CADPS: variants seen among roughly 807,000 people sequenced by gnomAD.
CADPS encodes the protein calcium-dependent secretion activator 1.
A neutral mutation model predicts 167.3 loss-of-function variants in CADPS; 57 were observed. That is an observed-to-expected ratio of 0.34 (90% confidence interval 0.28 to 0.42). The LOEUF (loss-of-function observed/expected upper bound fraction) is 0.42. CADPS is among the 20% of genes least tolerant of loss of function. The pLI is 1.00. For synonymous variants in CADPS, 676 were observed against 635.3 expected (o/e 1.06, Z -0.96); for missense variants, 1,414 against 1,738.1 (o/e 0.81, Z 3.32).
intron 1 of CADPS, among the ~76,000 whole-genome samples, chr3:62,833,518 G>A (rs2075433914): frequency 6.6e-6 from 1 of 151,920 alleles, no homozygotes; most frequent in African/African-American, 2.4e-5. Flanking sequence ...ACAAATGATA[G>A]TTTCAACTCT....
intron 7 of CADPS, among the ~76,000 whole-genome samples, chr3:62,589,934 A>C (rs1399687535): frequency 1.3e-5 from 2 of 152,176 alleles, no homozygotes; most frequent in Non-Finnish European, 2.9e-5. Flanking sequence ...TCATGCCTCT[A>C]ATCCTAGCAC....
intron 1 of CADPS, among the ~76,000 whole-genome samples, chr3:62,822,248 G>A (rs1294624798): frequency 6.6e-6 from 1 of 152,188 alleles, no homozygotes; most frequent in Non-Finnish European, 1.5e-5. Flanking sequence ...AAGGGCAAGT[G>A]TCACTGCGGG....
At chr3:62,482,731 G>T (rs1008775903) in intron 21 of CADPS, among the ~76,000 whole-genome samples, 3 of 152,192 alleles carry the variant, frequency 2.0e-5, no homozygotes, top group African/African-American at 7.2e-5. Context: ...AAGCATGAAA[G>T]GGACTTCTGG....
At chr3:62,516,387 T>C (rs903969872) in intron 15 of CADPS, among the ~76,000 whole-genome samples, 193 bp downstream of exon 15, 5 of 152,170 alleles carry the variant, frequency 3.3e-5, no homozygotes, top group Admixed American at 3.3e-4. Context: ...ATATCTTCTG[T>C]ATATCCTATT....
chr3:62,830,508 T>C (rs1354004125), intron 1 of CADPS, among the ~76,000 whole-genome samples: 1 of 152,124 alleles, frequency 6.6e-6, no homozygotes, highest in Non-Finnish European at 1.5e-5. Context: ...GTTCTCCTTG[T>C]TTTTCTCTAG....
chr3:62,487,209 A>C (rs974834648), intron 21 of CADPS, among the ~76,000 whole-genome samples: 1 of 152,208 alleles, frequency 6.6e-6, no homozygotes, highest in Non-Finnish European at 1.5e-5. Flanking sequence ...ACCATCTGTC[A>C]GGGAAAAGGT....
chr3:62,582,355 A>G (rs534277820), intron 8 of CADPS, among the ~76,000 whole-genome samples: 4 of 152,282 alleles, frequency 2.6e-5, no homozygotes, highest in African/African-American at 9.6e-5. Context: ...CTGAGGTGGG[A>G]GGATGGCTTG....
At chr3:62,682,255 G>A (rs2077262968) in intron 3 of CADPS, among the ~76,000 whole-genome samples, 1 of 152,004 alleles carries the variant, frequency 6.6e-6, no homozygotes, top group Admixed American at 6.5e-5. Context: ...GATAAGTGCA[G>A]GAGCTATTTT....
intron 1 of CADPS, among the ~76,000 whole-genome samples, chr3:62,841,605 C>T (rs1286273207): frequency 6.6e-6 from 1 of 152,022 alleles, no homozygotes; most frequent in Non-Finnish European, 1.5e-5. Context: ...TAGTCCCAGC[C>T]GCTCAGGAGG....
rs61586697 is a variant in CADPS at position 62,474,153 on chromosome 3, A to ATTTTTTTTTTTTTTTTTTTTTTTTTT, written c.3477+19_3477+20insAAAAAAAAAAAAAAAAAAAAAAAAAA. On this transcript the variant is annotated intron_variant, in intron 24 of 29. Coordinates refer to ENST00000383710, the MANE Select transcript of CADPS (RefSeq NM_003716.4). Reference sequence around the variant, plus strand: ...AATGAAGAGGGAAAAAAAAATCTGTATTTTTTTTTTTTTTTTTACCTCTTG... The same window carrying ATTTTTTTTTTTTTTTTTTTTTTTTTT: ...AATGAAGAGGGAAAAAAAAATCTGTATTTTTTTTTTTTTTTTTTTTTTTTTTTTTTTTTTTTTTTTTTTACCTCTTG... 19 of 740,354 alleles carry ATTTTTTTTTTTTTTTTTTTTTTTTTT rather than the reference A, an allele frequency of 2.6e-5. 5 individuals carry two copies. The highest frequency in any genetic ancestry group is 1.4e-4 in the South Asian group (5 of 35,594). The allele number at this position is 740,354 out of a possible 1,614,324, so 45.9% of individuals were successfully genotyped here.
intron 29 of CADPS, among the ~76,000 whole-genome samples, chr3:62,400,601 C>CTTTTTTTTTTTTTTTTTTTT (rs143643930): frequency 7.7e-6 from 1 of 130,436 alleles, no homozygotes. Flanking sequence ...TTTTTTTTTT[C>CTTTTTTTTTTTTTTTTTTTT]TTTTTTTTTT....
At chr3:62,712,892 G>T (rs780534431) in intron 3 of CADPS, among the ~76,000 whole-genome samples, 7 of 152,142 alleles carry the variant, frequency 4.6e-5, no homozygotes, top group Non-Finnish European at 5.9e-5. Flanking sequence ...GTGAGAGGAG[G>T]AACAGGCCAG....
chr3:62,862,357 C>T (rs1292922536), intron 1 of CADPS, among the ~76,000 whole-genome samples: 1 of 151,666 alleles, frequency 6.6e-6, no homozygotes, highest in Admixed American at 6.6e-5. Flanking sequence ...GCTGGGGTTA[C>T]AGGCACGCAC....
chr3:62,753,746 G>A lies in CADPS; in HGVS notation c.583C>T (p.Arg195Cys), dbSNP rs759883423. ...EVFLKSDRVA[R>C]MVQSGGCSAN... ...GAACAGCCTCCACTCTGAACCATGC[G>A]GGCCACACGGTCGCTCTTCAGGAAC... The change falls in exon 3 of 30, where the codon CGC (arginine) becomes TGC (cysteine). Residue 195 changes from arginine to cysteine, a missense_variant. Physicochemically the swap from Arg to Cys is radical, Grantham distance 180. Coordinates refer to ENST00000383710, the MANE Select transcript of CADPS (RefSeq NM_003716.4). This position sits in a 1 kb window ranked among gnomAD's most constrained non-coding sequence, Gnocchi z 4.6. The A allele has an allele frequency of 5.6e-6, 9 of 1,613,556 alleles. No homozygotes were observed. Among genetic ancestry groups the A allele is most frequent in the Admixed American group, 1.7e-5 (1 of 60,000 alleles).
In CADPS at chr3:62,729,713, A is replaced by G. The variant is rs905369988; in HGVS notation, c.888+23728T>C. Among the ~76,000 whole-genome samples, 26 of 151,862 alleles carry G rather than the reference A, an allele frequency of 1.7e-4. 1 individual carries two copies. The highest frequency in any genetic ancestry group is 5.3e-4 in the African/African-American group (22 of 41,160). On this transcript the variant is annotated intron_variant, in intron 3 of 29. Transcript: ENST00000383710. ...TTGTAGTCACTATCACCTCAATGTT[A>G]TTATTGTTGTTGTTTTCTGCCAAGT...
rs772491466 is a variant in CADPS at position 62,602,417 on chromosome 3, G to A, written c.1326-9669C>T. ...GTGCGGTTCATAAAATTAACTGTGGGCTTTAACAAGAGAGAAGTGTCATTT... is the reference window on the plus strand; with the variant it reads ...GTGCGGTTCATAAAATTAACTGTGGACTTTAACAAGAGAGAAGTGTCATTT... On this transcript the variant is annotated intron_variant, in intron 6 of 29. Coordinates refer to ENST00000383710, the MANE Select transcript of CADPS (RefSeq NM_003716.4). The surrounding 1 kb of genome is among the most constrained non-coding windows in gnomAD (Gnocchi z 4.4). Among the ~76,000 whole-genome samples the A allele has an allele frequency of 6.6e-6, 1 of 152,224 alleles. No individual in the cohort carries two copies. The highest frequency in any genetic ancestry group is 2.4e-5 in the African/African-American group (1 of 41,538).
chr3:62,588,482 G>C (rs552803827), intron 7 of CADPS, among the ~76,000 whole-genome samples: 1 of 152,126 alleles, frequency 6.6e-6, no homozygotes, highest in African/African-American at 2.4e-5. Context: ...TGCAGGGTTG[G>C]GAAGGATGCA....
At chr3:62,604,661 A>G (rs1281188120) in intron 6 of CADPS, among the ~76,000 whole-genome samples, 1 of 152,220 alleles carries the variant, frequency 6.6e-6, no homozygotes, top group East Asian at 1.9e-4. Flanking sequence ...CCTTCTCTGA[A>G]ATGGAGCTCA....
intron 28 of CADPS, among the ~76,000 whole-genome samples, chr3:62,410,864 G>A (rs569747908): frequency 1.3e-3 from 201 of 152,252 alleles, no homozygotes; most frequent in Middle Eastern, 6.8e-3. Flanking sequence ...CAGCACTTTG[G>A]GAGGCTAAAG....
Sources: gnomAD v4.1 joint callset for allele counts (sites outside exome capture counted in the v4.1 genomes callset) on GRCh38, gnomAD v4.1.1 for gene constraint, Gnocchi (gnomAD v3.1) non-coding constraint, MANE v1.5 for transcripts, NCBI Gene and HGNC (gene_info 2026-07-23, HGNC 2026-07-21) for gene names.